TYK2: variants seen among roughly 807,000 people sequenced by gnomAD.
TYK2 encodes the protein non-receptor tyrosine-protein kinase TYK2.
In TYK2, 65 loss-of-function variants were observed where a neutral mutation model predicts 130.9. That is an observed-to-expected ratio of 0.50 (90% confidence interval 0.41 to 0.61). TYK2 has a LOEUF of 0.61. TYK2 is among the 20% of genes least tolerant of loss of function. TYK2 has a pLI of 0.00. For missense variants in TYK2, 1,378 were observed against 1,610.7 expected (o/e 0.86, Z 2.47); for synonymous variants, 647 against 658.9 (o/e 0.98, Z 0.28).
chr19:10,373,872 T>C (rs1329002674), intron 3 of TYK2, among the ~76,000 whole-genome samples: 2 of 152,074 alleles, frequency 1.3e-5, no homozygotes, highest in African/African-American at 4.8e-5. Flanking sequence ...TGAAGGTCTT[T>C]CGCTTCCTCA....
Position 10,359,293 on chromosome 19 carries a change from A to G in TYK2, c.2057T>C (p.Val686Ala). 6.2e-7 allele frequency: 1 copy of G among 1,611,376 alleles called. No homozygotes were observed. The highest frequency in any genetic ancestry group is 8.5e-7 in the Non-Finnish European group (1 of 1,179,890). Residue 686 changes from valine (V) to alanine (A), a missense_variant, in exon 15 of 25, where the codon GTG (valine) becomes GCG (alanine). Val to Ala is a moderately conservative substitution (Grantham distance 64, BLOSUM62 0). Coordinates refer to ENST00000525621, the MANE Select transcript of TYK2 (RefSeq NM_003331.5). ...VCVRGPENIMVTEYVEHGPLD... is the reference protein window; with the variant it reads ...VCVRGPENIMATEYVEHGPLD... ...GGGTCCGTGCTCCACGTACTCTGTCACCATGATATCTGTAAAGACACAGCT... is the reference window on the plus strand; with the variant it reads ...GGGTCCGTGCTCCACGTACTCTGTCGCCATGATATCTGTAAAGACACAGCT...
rs2040911268 is a variant in TYK2, at chr19:10,353,362, G to T, written c.3027+166C>A. On this transcript the variant is annotated intron_variant, in intron 21 of 24. Coordinates refer to ENST00000525621, the MANE Select transcript of TYK2 (RefSeq NM_003331.5). The surrounding 1 kb of genome is among the most constrained non-coding windows in gnomAD (Gnocchi z 6.9). ...TGTGCGTGGTCCCTTGGGAGGAGGG[G>T]GTGTGGCCAAGCAAGCCAAACAGTT... 2 of 585,786 alleles carry T rather than the reference G, an allele frequency of 3.4e-6. No individual in the cohort carries two copies. Among genetic ancestry groups the T allele is most frequent in the Non-Finnish European group, 5.8e-6 (2 of 342,156 alleles). The allele number at this position is 585,786 out of a possible 1,614,324, so 36.3% of individuals were successfully genotyped here.
At chr19:10,354,661 G>T in intron 18 of TYK2, 52 bp from the exon 19 acceptor site, 2 of 1,492,986 alleles carry the variant, frequency 1.3e-6, no homozygotes, top group Non-Finnish European at 1.9e-6. Flanking sequence ...TCCCCAGCAG[G>T]CCCACACTTG....
chr19:10,358,182 C>A (rs1055639383), intron 15 of TYK2, 44 bp from the exon 16 acceptor site: 2 of 1,566,312 alleles, frequency 1.3e-6, no homozygotes, highest in Non-Finnish European at 1.7e-6. Flanking sequence ...AGGAGAGGCA[C>A]AGACGCCAAC....
At chr19:10,356,765 C>A (rs1568329961) in intron 17 of TYK2, 47 bp from the exon 18 acceptor site, 1 of 1,552,978 alleles carries the variant, frequency 6.4e-7, no homozygotes, top group Admixed American at 1.9e-5. Flanking sequence ...CCCTCGCCCC[C>A]AACCCGTTCC....
chr19:10,365,133 G>A, intron 7 of TYK2, 85 bp from the exon 8 acceptor site: 1 of 1,418,576 alleles, frequency 7.0e-7, no homozygotes, highest in Non-Finnish European at 9.4e-7. Flanking sequence ...AGAGACTGGA[G>A]CCAGAAGGGC....
chr19:10,373,017 C>T (rs1302783495), intron 3 of TYK2, among the ~76,000 whole-genome samples: 1 of 151,910 alleles, frequency 6.6e-6, no homozygotes. Flanking sequence ...GCATGTGCCA[C>T]CATGCCCAGC....
intron 3 of TYK2, among the ~76,000 whole-genome samples, chr19:10,372,706 A>T (rs1327525792): frequency 2.0e-5 from 3 of 149,378 alleles, no homozygotes; most frequent in Non-Finnish European, 3.0e-5. Flanking sequence ...GCCCAGGCTG[A>T]TCTTGAACTC....
rs772532784 is a variant in TYK2 at position 10,362,291 on chromosome 19, G to A, written c.1642C>T (p.Arg548Cys). Residue 548 changes from arginine to cysteine, a missense_variant, in exon 11 of 25, where the codon CGT becomes TGT. Transcript: ENST00000525621. The part of the protein sequence containing the change: ...LRAGDDCFSL[R>C]RCCLPQPGET... ...CCTGGTTGGGGCAGGCAACAGCGAC[G>A]CAGAGAGAAGCAGTCATCCCCGGCC... 20 of 1,614,024 alleles carry A rather than the reference G, an allele frequency of 1.2e-5. No homozygotes were observed. Among genetic ancestry groups the A allele is most frequent in the Admixed American group, 1.7e-5 (1 of 59,996 alleles).
intron 6 of TYK2, among the ~76,000 whole-genome samples, chr19:10,366,193 G>C (rs996632989): frequency 2.0e-5 from 3 of 152,028 alleles, no homozygotes; most frequent in Admixed American, 6.6e-5. Flanking sequence ...TGTAATCCCA[G>C]CTACTCAGGA....
Position 10,353,767 on chromosome 19 carries a change from G to A in TYK2, c.2909-121C>T, listed in dbSNP as rs566259323. 4 of 753,072 alleles carry A rather than the reference G, an allele frequency of 5.3e-6. No individual in the cohort carries two copies. The South Asian group carries it at 7.5e-5, about 14-fold the overall frequency. 46.6% of individuals were successfully genotyped at this position (753,072 alleles called of 1,614,324 possible). On this transcript the variant is annotated intron_variant, in intron 20 of 24. Coordinates refer to ENST00000525621, the MANE Select transcript of TYK2 (RefSeq NM_003331.5). The surrounding 1 kb of genome is among the most constrained non-coding windows in gnomAD (Gnocchi z 6.9). ...GGAAGGCCAAGACCCGCGCACACTA[G>A]ACCCAGTTCTCAGGTGGGATGGACC...
chr19:10,358,749 C>A (rs1029794294), intron 15 of TYK2, among the ~76,000 whole-genome samples: 5 of 151,972 alleles, frequency 3.3e-5, no homozygotes, highest in African/African-American at 1.2e-4. Context: ...AGCCACCACA[C>A]CTGGCTATTT....
At chr19:10,378,891 A>G (rs527305895) in intron 2 of TYK2, among the ~76,000 whole-genome samples, 26 of 148,040 alleles carry the variant, frequency 1.8e-4, no homozygotes, top group African/African-American at 5.7e-4. Flanking sequence ...TTTTTGAGAC[A>G]GAGTTTCACT....
intron 18 of TYK2, among the ~76,000 whole-genome samples, chr19:10,355,587 C>G (rs1237494981): frequency 6.7e-6 from 1 of 148,840 alleles, no homozygotes; most frequent in African/African-American, 2.5e-5. Flanking sequence ...TTGCAGTGGG[C>G]CGAGATCGTG....
chr19:10,363,116 T>C (rs554372160), intron 9 of TYK2, among the ~76,000 whole-genome samples: 24 of 151,758 alleles, frequency 1.6e-4, no homozygotes, highest in Non-Finnish European at 3.1e-4. Context: ...CCTCAGCTGA[T>C]CTGCCAGCCT....
In TYK2 at chr19:10,357,987, C is replaced by G. The variant is rs12720300; in HGVS notation, c.2311+16G>C. On this transcript the variant is annotated intron_variant, in intron 16 of 24. Coordinates refer to ENST00000525621, the MANE Select transcript of TYK2 (RefSeq NM_003331.5). ...GGGAAGCCCCCCACTGTGCCCAGGTCCCCTCAGGTACTCACCCTCCCTGGA... is the reference window on the plus strand; with the variant it reads ...GGGAAGCCCCCCACTGTGCCCAGGTGCCCTCAGGTACTCACCCTCCCTGGA... 6.5e-4 allele frequency: 1,048 copies of G among 1,613,482 alleles called. 6 individuals carry two copies. The African/African-American group carries it at 8.8e-3, about 14-fold the overall frequency.
Position 10,362,114 on chromosome 19 carries a change from G to C in TYK2, c.1737C>G (p.Leu579=), listed in dbSNP as rs773673887. The change falls in exon 12 of 25, where the codon CTC becomes CTG. Residue 579 remains leucine, a synonymous_variant. Transcript: ENST00000525621. ...CCTTCTGGTCAACCCGGTGGAAGCTGAGCTGGCTGAGGTTGAGTGTCCTGG... is the reference window on the plus strand; with the variant it reads ...CCTTCTGGTCAACCCGGTGGAAGCTCAGCTGGCTGAGGTTGAGTGTCCTGG... ...ASPRTLNLSQ[L]SFHRVDQKEI... is the part of the protein sequence containing the mutation. 3.7e-6 allele frequency: 6 copies of C among 1,614,118 alleles called. No individual in the cohort carries two copies. In the South Asian group the frequency reaches 5.5e-5, roughly 15 times the overall value.
Position 10,365,858 on chromosome 19 carries a change from G to T in TYK2, c.670C>A (p.Arg224=). The change falls in exon 7 of 25, where the codon CGG becomes AGG. Residue 224 remains arginine, a synonymous_variant. Transcript: ENST00000525621. ...CIPRSFRRHI[R]QHSALTRLRL... ...AGCCGGGTCAGGGCGCTGTGCTGCC[G>T]GATATGCCGGCGGAAGGAGCGCGGG... 1 of 1,612,102 alleles carries T rather than the reference G, an allele frequency of 6.2e-7. No homozygotes were observed. The highest frequency in any genetic ancestry group is 1.1e-5 in the South Asian group (1 of 90,944).
intron 3 of TYK2, 178 bp from the exon 4 acceptor site, chr19:10,368,596 C>G: frequency 1.2e-6 from 1 of 825,838 alleles, no homozygotes; most frequent in Non-Finnish European, 1.9e-6. Context: ...ATGCTGTGGC[C>G]TCACAGGAGG....
Sources: allele counts gnomAD v4.1 joint callset (sites outside exome capture counted in the v4.1 genomes callset), GRCh38; gene constraint gnomAD v4.1.1; non-coding constraint Gnocchi (gnomAD v3.1); transcripts MANE v1.5; gene names NCBI Gene and HGNC (gene_info 2026-07-23, HGNC 2026-07-21).